ZFPM2: variants seen among roughly 807,000 people sequenced by gnomAD.
ZFPM2 encodes zinc finger protein ZFPM2.
ZFPM2 carries 20 observed loss-of-function variants against 98.6 expected under a neutral mutation model. That is an observed-to-expected ratio of 0.20 (90% CI 0.14 to 0.29). ZFPM2 has a LOEUF of 0.29. ZFPM2 is among the 10% of genes least tolerant of loss of function. The pLI is 1.00. For synonymous variants in ZFPM2, 518 were observed against 502.7 expected (o/e 1.03, Z -0.41); for missense variants, 1,310 against 1,388.6 (o/e 0.94, Z 0.90).
intron 5 of ZFPM2, among the ~76,000 whole-genome samples, chr8:105,687,401 A>G (rs2130931147): frequency 6.6e-6 from 1 of 152,216 alleles, no homozygotes; most frequent in Non-Finnish European, 1.5e-5. Context: ...GAAATGTATT[A>G]ATAAAACCCA....
chr8:105,392,559 G>A (rs1811130528), intron 1 of ZFPM2, among the ~76,000 whole-genome samples: 1 of 152,086 alleles, frequency 6.6e-6, no homozygotes, highest in Non-Finnish European at 1.5e-5. Flanking sequence ...TGTCCACTAT[G>A]TACCAAAACA....
At chr8:105,522,750 C>CAAA (rs34364728) in intron 3 of ZFPM2, among the ~76,000 whole-genome samples, 1 of 145,950 alleles carries the variant, frequency 6.9e-6, no homozygotes, top group East Asian at 2.0e-4. Context: ...CTCCATCTTT[C>CAAA]AAAAAAAAAA....
At chr8:105,463,316 CATAT>C (rs1812737096) in intron 3 of ZFPM2, among the ~76,000 whole-genome samples, 1 of 151,066 alleles carries the variant, frequency 6.6e-6, no homozygotes, top group Non-Finnish European at 1.5e-5. Flanking sequence ...CACATATATA[CATAT>C]ATAGAGTTTT....
At chr8:105,763,306 A>G (rs953988736) in intron 5 of ZFPM2, among the ~76,000 whole-genome samples, 2 of 151,820 alleles carry the variant, frequency 1.3e-5, no homozygotes, top group African/African-American at 4.8e-5. Context: ...AAAGCTATAC[A>G]GGACCAATCT....
chr8:105,321,720 C>A lies in ZFPM2; in HGVS notation c.40+2739C>A, dbSNP rs543171453. 1.4e-3 allele frequency among the ~76,000 whole-genome samples: 211 copies of A among 152,070 alleles called. 1 individual carries two copies. Among genetic ancestry groups the A allele is most frequent in the Middle Eastern group, 0.014 (4 of 294 alleles). On this transcript the variant is annotated intron_variant, in intron 1 of 7. Transcript: ENST00000407775. ...TCTCCGGGCAGCGATAAAAAGGCGA[C>A]GCTGAAAGAGCACCATTAATTTGCT...
In ZFPM2 at chr8:105,801,554, C is replaced by T; in HGVS notation, c.1472C>T (p.Ser491Phe). Residue 491 changes from serine (S) to phenylalanine (F), a missense_variant, in exon 8 of 8, where the codon TCT becomes TTT. Coordinates refer to ENST00000407775, the MANE Select transcript of ZFPM2 (RefSeq NM_012082.4). The stretch of plus-strand genomic sequence containing the variant: ...CCAGTTCAGCCTAATATTGGGCCTT[C>T]TTTCCCTGTGGGCCCTTTCCTATCT... Reference protein sequence around the residue: ...SSPVQPNIGPSFPVGPFLSQF... With the variant: ...SSPVQPNIGPFFPVGPFLSQF... The T allele has an allele frequency of 1.2e-6, 2 of 1,613,938 alleles. No homozygotes were observed. The highest frequency in any genetic ancestry group is 1.7e-6 in the Non-Finnish European group (2 of 1,179,874).
chr8:105,429,858 T>A (rs139594615), intron 2 of ZFPM2, among the ~76,000 whole-genome samples: 2 of 152,094 alleles, frequency 1.3e-5, no homozygotes, highest in Admixed American at 6.6e-5. Context: ...TATTGAAAAA[T>A]TATGTAGTAT....
At chr8:105,712,851 T>G (rs1437802669) in intron 5 of ZFPM2, among the ~76,000 whole-genome samples, 1 of 152,118 alleles carries the variant, frequency 6.6e-6, no homozygotes, top group Non-Finnish European at 1.5e-5. Flanking sequence ...GATTATGGCC[T>G]CCAGCTGCAT....
At chr8:105,487,158 G>C (rs1586408132) in intron 3 of ZFPM2, among the ~76,000 whole-genome samples, 1 of 152,090 alleles carries the variant, frequency 6.6e-6, no homozygotes, top group Admixed American at 6.5e-5. Flanking sequence ...TGCCACCTAG[G>C]CTGGAGTGCA....
At chr8:105,496,787 A>G (rs1162731077) in intron 3 of ZFPM2, among the ~76,000 whole-genome samples, 6 of 149,260 alleles carry the variant, frequency 4.0e-5, no homozygotes, top group African/African-American at 9.8e-5. Flanking sequence ...GTTTGAGATC[A>G]GCCTGACCAA....
intron 3 of ZFPM2, among the ~76,000 whole-genome samples, chr8:105,483,955 C>A (rs148991424): frequency 6.6e-6 from 1 of 151,734 alleles, no homozygotes; most frequent in Non-Finnish European, 1.5e-5. Context: ...AGGATGGTCT[C>A]GATCTCCTGA....
At chr8:105,435,095 C>T (rs370381927) in intron 2 of ZFPM2, among the ~76,000 whole-genome samples, 3 of 152,136 alleles carry the variant, frequency 2.0e-5, no homozygotes, top group South Asian at 2.1e-4. Context: ...TGCATTTCCC[C>T]GAGCCATTTA....
chr8:105,408,062 G>A (rs191326217), intron 1 of ZFPM2, among the ~76,000 whole-genome samples: 1 of 151,722 alleles, frequency 6.6e-6, no homozygotes, highest in East Asian at 1.9e-4. Context: ...TTCTATTGTA[G>A]GCTTTGTTAT....
At chr8:105,695,360 C>T (rs1199749574) in intron 5 of ZFPM2, among the ~76,000 whole-genome samples, 1 of 146,628 alleles carries the variant, frequency 6.8e-6, no homozygotes, top group Non-Finnish European at 1.5e-5. Flanking sequence ...ATATTTAAGT[C>T]AGGCAAGAAT....
intron 3 of ZFPM2, among the ~76,000 whole-genome samples, chr8:105,467,045 C>G (rs1812808808): frequency 6.6e-6 from 1 of 152,004 alleles, no homozygotes; most frequent in Admixed American, 6.6e-5. Context: ...GAGCATTAAA[C>G]AAGGTCAAGA....
chr8:105,482,558 C>T (rs1227971255), intron 3 of ZFPM2, among the ~76,000 whole-genome samples: 2 of 151,890 alleles, frequency 1.3e-5, no homozygotes, highest in African/African-American at 2.4e-5. Flanking sequence ...CTTTTTTCCC[C>T]TCTACCAACT....
chr8:105,597,826 T>A (rs1816002861), intron 4 of ZFPM2, among the ~76,000 whole-genome samples: 1 of 152,062 alleles, frequency 6.6e-6, no homozygotes, highest in Non-Finnish European at 1.5e-5. Context: ...TGATAGTGAA[T>A]CAAATTCCTA....
chr8:105,430,366 T>C (rs1811996233), intron 2 of ZFPM2, among the ~76,000 whole-genome samples: 1 of 152,200 alleles, frequency 6.6e-6, no homozygotes, highest in Non-Finnish European at 1.5e-5. Context: ...AATGTTAAGT[T>C]TGTTTTCAAC....
intron 1 of ZFPM2, among the ~76,000 whole-genome samples, chr8:105,394,664 C>A (rs967007806): frequency 6.6e-6 from 1 of 152,168 alleles, no homozygotes; most frequent in Admixed American, 6.5e-5. Flanking sequence ...TGTGCATGAG[C>A]GGCTTCGAGT....
Sources: gnomAD v4.1 joint callset for allele counts (sites outside exome capture counted in the v4.1 genomes callset) on GRCh38, gnomAD v4.1.1 for gene constraint, MANE v1.5 for transcripts, NCBI Gene and HGNC (gene_info 2026-07-23, HGNC 2026-07-21) for gene names.